Variants in FCAR observed in about 807,000 individuals in gnomAD.
FCAR encodes the protein immunoglobulin alpha Fc receptor.
Under a neutral mutation model 27.1 loss-of-function variants are expected in FCAR, and 21 were observed. That is an observed-to-expected ratio of 0.77 (90% confidence interval 0.55 to 1.11). The LOEUF (loss-of-function observed/expected upper bound fraction) is 1.11. Ranked by LOEUF, FCAR falls within the 50% of genes most tolerant of loss-of-function variation. FCAR has a pLI of 0.00. For missense variants in FCAR, 404 were observed against 358.4 expected (o/e 1.13, Z -1.03); for synonymous variants, 134 against 135.8 (o/e 0.99, Z 0.09).
chr19:54,880,529 A>G (rs2066350961), intron 2 of FCAR, among the ~76,000 whole-genome samples: 1 of 152,036 alleles, frequency 6.6e-6, no homozygotes, highest in Admixed American at 6.6e-5. Flanking sequence ...ATTTCTATCC[A>G]TATTCTGAAT....
rs780137525 is a variant in FCAR, at chr19:54,890,222, G to A, written c.*359G>A. 1.2e-4 allele frequency: 37 copies of A among 297,522 alleles called. No homozygotes were observed. Among genetic ancestry groups the A allele is most frequent in the South Asian group, 1.2e-3 (30 of 24,948 alleles). 18.4% of individuals were successfully genotyped at this position (297,522 alleles called of 1,614,324 possible). A position where few individuals can be genotyped will look rare whatever the true frequency, so the allele number is the denominator to read the frequency against. ...ACCCACCTTGGCCTCCCAAAGTGCT[G>A]AGATTATAGGCATGAGCCACCACGC... On this transcript the variant is annotated 3_prime_UTR_variant, in exon 5 of 5. Coordinates refer to ENST00000355524, the MANE Select transcript of FCAR (RefSeq NM_002000.4).
chr19:54,889,901 G>T lies in FCAR; in HGVS notation c.*38G>T. ...GAAGGCAGAGAGGAGCCAGGACTGT[G>T]GAGTCCGACAAAGCTACTTGAAGGA... On this transcript the variant is annotated 3_prime_UTR_variant, in exon 5 of 5. Coordinates refer to ENST00000355524, the MANE Select transcript of FCAR (RefSeq NM_002000.4). The T allele has an allele frequency of 7.0e-7, 1 of 1,429,490 alleles. No individual in the cohort carries two copies. The highest frequency in any genetic ancestry group is 9.7e-7 in the Non-Finnish European group (1 of 1,027,940). The allele number at this position is 1,429,490 out of a possible 1,614,324, so 88.6% of individuals were successfully genotyped here. A position where few individuals can be genotyped will look rare whatever the true frequency, so the allele number is the denominator to read the frequency against.
rs1045138428 is a variant in FCAR at position 54,890,310 on chromosome 19, C to T, written c.*447C>T. ...TTCTTATGCAGGACTGATCGATTTG[C>T]ACCCACCTTTCTGCACATAAGTTAT... On this transcript the variant is annotated 3_prime_UTR_variant, in exon 5 of 5. Coordinates refer to ENST00000355524, the MANE Select transcript of FCAR (RefSeq NM_002000.4). The T allele has an allele frequency of 1.1e-4, 18 of 157,652 alleles. No homozygotes were observed. The highest frequency in any genetic ancestry group is 2.1e-4 in the Non-Finnish European group (15 of 71,690). The allele number at this position is 157,652 out of a possible 1,614,324, so 9.8% of individuals were successfully genotyped here.
intron 2 of FCAR, among the ~76,000 whole-genome samples, chr19:54,884,012 G>GCACACCCCA (rs1339326134): frequency 6.6e-6 from 1 of 152,186 alleles, no homozygotes; most frequent in East Asian, 1.9e-4. Flanking sequence ...CAGAGTTCAG[G>GCACACCCCA]CAGAAGGGGG....
intron 2 of FCAR, among the ~76,000 whole-genome samples, chr19:54,880,277 C>T (rs2066338248): frequency 2.0e-5 from 3 of 152,038 alleles, no homozygotes; most frequent in Non-Finnish European, 2.9e-5. Flanking sequence ...TCATTTTTGT[C>T]TGACTGAATT....
intron 3 of FCAR, 109 bp from the exon 4 acceptor site, chr19:54,887,897 AT>A (rs2066832908): frequency 2.4e-6 from 2 of 842,616 alleles, no homozygotes; most frequent in African/African-American, 3.5e-5. Flanking sequence ...AGCTTGGGCA[AT>A]AAGAGCGAAA....
chr19:54,878,574 T>G (rs2066230079), intron 2 of FCAR, among the ~76,000 whole-genome samples: 1 of 151,994 alleles, frequency 6.6e-6, no homozygotes, highest in South Asian at 2.1e-4. Context: ...TTCTTTTTGA[T>G]TCAGCAGTTG....
At chr19:54,889,385 A>C (rs1426163159) in intron 4 of FCAR, among the ~76,000 whole-genome samples, 2 of 149,754 alleles carry the variant, frequency 1.3e-5, no homozygotes, top group African/African-American at 5.0e-5. Flanking sequence ...AAAAAAAAAA[A>C]AAAAAAACAC....
intron 2 of FCAR, among the ~76,000 whole-genome samples, chr19:54,880,638 G>A (rs587675760): frequency 1.3e-4 from 20 of 152,332 alleles, no homozygotes; most frequent in South Asian, 1.2e-3. Flanking sequence ...AGTTGATGGA[G>A]TTCTTGCTCA....
At position 54,885,333 on chromosome 19, in the gene FCAR, C is replaced by G; in HGVS notation, c.169C>G (p.Leu57Val). 1 of 1,614,042 alleles carries G rather than the reference C, an allele frequency of 6.2e-7. No individual in the cohort carries two copies. Among genetic ancestry groups the G allele is most frequent in the Non-Finnish European group, 8.5e-7 (1 of 1,179,986 alleles). ...IQCQAIREAYLTQLMIIKNST... is the reference protein window; with the variant it reads ...IQCQAIREAYVTQLMIIKNST... ...GTGCCAGGCCATTCGTGAAGCTTAC[C>G]TGACCCAGCTGATGATCATAAAAAA... is the stretch of plus-strand genomic sequence containing the variant. Residue 57 changes from leucine to valine, a missense_variant, in exon 3 of 5, where the codon CTG (leucine) becomes GTG (valine). Transcript: ENST00000355524.
intron 2 of FCAR, among the ~76,000 whole-genome samples, chr19:54,881,188 T>A (rs1396993283): frequency 6.6e-6 from 1 of 151,860 alleles, no homozygotes; most frequent in Non-Finnish European, 1.5e-5. Context: ...GAGCCAAGAG[T>A]GAGGCGACTG....
chr19:54,887,673 T>G (rs1047161328), intron 3 of FCAR, among the ~76,000 whole-genome samples: 1 of 151,124 alleles, frequency 6.6e-6, no homozygotes, highest in Admixed American at 6.6e-5. Context: ...TCCCAGCACT[T>G]TGGGAGGCCA....
chr19:54,884,624 G>A (rs1601933843), intron 2 of FCAR, among the ~76,000 whole-genome samples: 1 of 150,324 alleles, frequency 6.7e-6, no homozygotes, highest in African/African-American at 2.5e-5. Flanking sequence ...ACTCTGTCTC[G>A]AAAAATAATA....
Position 54,889,954 on chromosome 19 carries a change from C to T in FCAR, c.*91C>T. On this transcript the variant is annotated 3_prime_UTR_variant, in exon 5 of 5. Transcript: ENST00000355524. ...CAAGAGAGAAAAGCTCACTAAGAAGCTTGAATCTACTTTTTTTTTTTTTTG... is the reference window on the plus strand; with the variant it reads ...CAAGAGAGAAAAGCTCACTAAGAAGTTTGAATCTACTTTTTTTTTTTTTTG... 2.1e-6 allele frequency: 2 copies of T among 931,158 alleles called. No homozygotes were observed. The highest frequency in any genetic ancestry group is 3.3e-6 in the Non-Finnish European group (2 of 613,706). 57.7% of individuals were successfully genotyped at this position (931,158 alleles called of 1,614,324 possible). A position where few individuals can be genotyped will look rare whatever the true frequency, so the allele number is the denominator to read the frequency against.
intron 3 of FCAR, among the ~76,000 whole-genome samples, chr19:54,886,351 G>C (rs1462934241): frequency 3.2e-5 from 4 of 125,934 alleles, no homozygotes; most frequent in Non-Finnish European, 4.7e-5. Context: ...GTGTTGCCCA[G>C]GCTGGAGTGC....
In FCAR at chr19:54,889,785, T is replaced by C. The variant is rs139147488; in HGVS notation, c.786T>C (p.Asp262=). ...HTALNKEASA[D]VAEPSWSQQM... Reference sequence around the variant, plus strand: ...CACTGAACAAGGAAGCCTCGGCAGATGTGGCTGAACCGAGCTGGAGCCAAC... The same window carrying C: ...CACTGAACAAGGAAGCCTCGGCAGACGTGGCTGAACCGAGCTGGAGCCAAC... The change falls in exon 5 of 5, where the codon GAT becomes GAC. Residue 262 remains aspartate, a synonymous_variant. Transcript: ENST00000355524. 1.9e-4 allele frequency: 303 copies of C among 1,613,466 alleles called. No individual in the cohort carries two copies. The highest frequency in any genetic ancestry group is 2.4e-4 in the Non-Finnish European group (286 of 1,180,010).
Position 54,891,372 on chromosome 19 carries a change from T to C in FCAR, c.*1509T>C, listed in dbSNP as rs587765845. The C allele has an allele frequency of 6.6e-6, 1 of 152,328 alleles. No individual in the cohort carries two copies. The highest frequency in any genetic ancestry group is 1.9e-4 in the East Asian group (1 of 5,192). 9.4% of individuals were successfully genotyped at this position (152,328 alleles called of 1,614,324 possible). On this transcript the variant is annotated 3_prime_UTR_variant, in exon 5 of 5. Coordinates refer to ENST00000355524, the MANE Select transcript of FCAR (RefSeq NM_002000.4). The stretch of plus-strand genomic sequence containing the variant: ...TCTCTACTTGATAAAATTTCTACTG[T>C]ATTCTTGGCTTAACTCAGGTCCTGT...
At chr19:54,876,452 T>C (rs907645901) in intron 2 of FCAR, among the ~76,000 whole-genome samples, 1 of 152,220 alleles carries the variant, frequency 6.6e-6, no homozygotes, top group Non-Finnish European at 1.5e-5. Context: ...CAATATGATG[T>C]TGACTGTGAG....
At chr19:54,875,862 A>G (rs1351439028) in intron 2 of FCAR, among the ~76,000 whole-genome samples, 2 of 152,188 alleles carry the variant, frequency 1.3e-5, no homozygotes, top group Non-Finnish European at 2.9e-5. Flanking sequence ...TAGCCTCCTA[A>G]TGGGTGTGAG....
Sources: allele counts gnomAD v4.1 joint callset (sites outside exome capture counted in the v4.1 genomes callset), GRCh38; gene constraint gnomAD v4.1.1; transcripts MANE v1.5; gene names NCBI Gene and HGNC (gene_info 2026-07-23, HGNC 2026-07-21).